NRXN1: variants seen among roughly 807,000 people sequenced by gnomAD.
NRXN1 encodes the protein neurexin 1, also known as neurexin-1.
NRXN1 carries 39 observed loss-of-function variants against 150.9 expected under a neutral mutation model. That is an observed-to-expected ratio of 0.26 (90% CI 0.20 to 0.34). The LOEUF (loss-of-function observed/expected upper bound fraction) is 0.34. Among genes scored for constraint, NRXN1 ranks in the 10% least tolerant of loss-of-function variants. The pLI is 1.00. For missense variants in NRXN1, 1,815 were observed against 1,949.9 expected, an observed-to-expected ratio of 0.93 and a Z score of 1.30; for synonymous variants, 924 against 757.0, an observed-to-expected ratio of 1.22 and a Z score of -3.62.
At chr2:50,381,464 A>G (rs557736698) in intron 17 of NRXN1, among the ~76,000 whole-genome samples, 9 of 151,452 alleles carry the variant, frequency 5.9e-5, no homozygotes, top group Admixed American at 5.3e-4. Flanking sequence ...TTTTGCGAAT[A>G]AACTGACAAG....
Position 49,919,469 on chromosome 2 carries a change from A to C in NRXN1, c.*2475T>G, listed in dbSNP as rs975764763. 14 of 152,190 alleles carry C rather than the reference A, an allele frequency of 9.2e-5. No individual in the cohort carries two copies. The highest frequency in any genetic ancestry group is 3.4e-4 in the African/African-American group (14 of 41,558). The allele number at this position is 152,190 out of a possible 1,614,324, so 9.4% of individuals were successfully genotyped here. A position where few individuals can be genotyped will look rare whatever the true frequency, so the allele number is the denominator to read the frequency against. On this transcript the variant is annotated 3_prime_UTR_variant, in exon 23 of 23. Transcript: ENST00000401669. ...TTTCATAGATATACTGCTTAAAATT[A>C]CCATTATTCAATTTATTTTCTATTA...
At chr2:50,250,584 G>C (rs1342056104) in intron 17 of NRXN1, among the ~76,000 whole-genome samples, 1 of 152,016 alleles carries the variant, frequency 6.6e-6, no homozygotes, top group Non-Finnish European at 1.5e-5. Flanking sequence ...AAAGAGATTA[G>C]ATAAGTTCTA....
chr2:50,153,364 G>T (rs1300194425), intron 18 of NRXN1, among the ~76,000 whole-genome samples: 1 of 149,900 alleles, frequency 6.7e-6, no homozygotes, highest in Non-Finnish European at 1.5e-5. Context: ...CTTTAAATGA[G>T]TCATACTTTT....
intron 17 of NRXN1, among the ~76,000 whole-genome samples, chr2:50,392,746 T>G (rs542526530): frequency 6.6e-6 from 1 of 152,116 alleles, no homozygotes; most frequent in African/African-American, 2.4e-5. Context: ...AAAGACGTAG[T>G]AGAGAAAAGT....
At chr2:50,152,039 G>C (rs2058727182) in intron 18 of NRXN1, among the ~76,000 whole-genome samples, 1 of 151,524 alleles carries the variant, frequency 6.6e-6, no homozygotes, top group African/African-American at 2.4e-5. Flanking sequence ...TCTTATTGTG[G>C]TATAATATAC....
At chr2:50,732,980 G>C (rs115798270) in intron 5 of NRXN1, among the ~76,000 whole-genome samples, 1 of 152,042 alleles carries the variant, frequency 6.6e-6, no homozygotes, top group Non-Finnish European at 1.5e-5. Flanking sequence ...ATTCCAATGT[G>C]GCCAATACTT....
chr2:50,850,358 A>G (rs1478232855), intron 5 of NRXN1, among the ~76,000 whole-genome samples: 2 of 152,174 alleles, frequency 1.3e-5, no homozygotes, highest in Non-Finnish European at 2.9e-5. Context: ...CATTCAGTAA[A>G]TACTAGTTTC....
chr2:50,416,686 C>A (rs1370276723), intron 17 of NRXN1, among the ~76,000 whole-genome samples: 2 of 151,976 alleles, frequency 1.3e-5, no homozygotes, highest in South Asian at 4.1e-4. Flanking sequence ...CAAACATGTC[C>A]TTCTTCACAT....
At chr2:50,630,978 A>G in intron 5 of NRXN1, 1 of 370,486 alleles carries the variant, frequency 2.7e-6, no homozygotes, top group South Asian at 2.2e-5. Flanking sequence ...ATGTCTGCTT[A>G]TTGAAATTCA....
At chr2:50,480,727 C>A (rs2090399112) in intron 15 of NRXN1, among the ~76,000 whole-genome samples, 1 of 152,152 alleles carries the variant, frequency 6.6e-6, no homozygotes, top group African/African-American at 2.4e-5. Flanking sequence ...TTGTCAGCCA[C>A]AGGTGTTCCT....
In NRXN1 at chr2:50,174,061, C is replaced by T. The variant is rs758901421; in HGVS notation, c.3546+62728G>A. 3.3e-5 allele frequency among the ~76,000 whole-genome samples: 5 copies of T among 152,024 alleles called. No homozygotes were observed. In the South Asian group the frequency reaches 8.3e-4, roughly 25 times the overall value. On this transcript the variant is annotated intron_variant, in intron 18 of 22. Coordinates refer to ENST00000401669, the MANE Select transcript of NRXN1 (RefSeq NM_001330078.2). Reference sequence around the variant, plus strand: ...AAAAATAAAAAAAATTGATTTATATCAAAATAAATACATAAAATAGAGCTT... The same window carrying T: ...AAAAATAAAAAAAATTGATTTATATTAAAATAAATACATAAAATAGAGCTT...
intron 5 of NRXN1, among the ~76,000 whole-genome samples, chr2:50,674,222 G>A (rs1254068588): frequency 6.6e-6 from 1 of 152,146 alleles, no homozygotes; most frequent in South Asian, 2.1e-4. Context: ...GAAGGGTAAA[G>A]TTAGAATGAA....
At chr2:50,378,098 A>G (rs1226115924) in intron 17 of NRXN1, among the ~76,000 whole-genome samples, 1 of 152,182 alleles carries the variant, frequency 6.6e-6, no homozygotes, top group Non-Finnish European at 1.5e-5. Context: ...ATCACATTCA[A>G]TAGGTTAGTC....
chr2:50,667,166 A>C (rs1688181093), intron 5 of NRXN1, among the ~76,000 whole-genome samples: 1 of 137,552 alleles, frequency 7.3e-6, no homozygotes, highest in Admixed American at 7.7e-5. Context: ...GAATTTACAC[A>C]ATTTCTTTCA....
At chr2:50,990,541 T>C (rs1698392950) in intron 2 of NRXN1, among the ~76,000 whole-genome samples, 1 of 152,074 alleles carries the variant, frequency 6.6e-6, no homozygotes, top group African/African-American at 2.4e-5. Context: ...CATGTTGCTC[T>C]GAAGAGTACA....
intron 12 of NRXN1, among the ~76,000 whole-genome samples, chr2:50,511,785 TAGAG>T (rs754045526): frequency 1.3e-5 from 2 of 152,062 alleles, no homozygotes; most frequent in Middle Eastern, 3.4e-3. Flanking sequence ...GTGAGAGGGA[TAGAG>T]AGAGAGACAC....
At chr2:49,982,519 G>A (rs920246163) in intron 21 of NRXN1, among the ~76,000 whole-genome samples, 12 of 151,868 alleles carry the variant, frequency 7.9e-5, no homozygotes, top group African/African-American at 2.7e-4. Context: ...AAAACTTCAT[G>A]ATTTTTGTTG....
intron 17 of NRXN1, among the ~76,000 whole-genome samples, chr2:50,259,061 A>G (rs1334254540): frequency 2.6e-5 from 4 of 151,944 alleles, no homozygotes; most frequent in African/African-American, 4.8e-5. Flanking sequence ...AATGGTTAAT[A>G]AGCATTGGCT....
intron 3 of NRXN1, 65 bp downstream of exon 3, chr2:50,925,873 A>G: frequency 8.2e-7 from 1 of 1,226,236 alleles, no homozygotes; most frequent in East Asian, 2.5e-5. Context: ...TTCAAGATGT[A>G]CCCTATTAGT....
Sources: allele counts gnomAD v4.1 joint callset (sites outside exome capture counted in the v4.1 genomes callset), GRCh38; gene constraint gnomAD v4.1.1; transcripts MANE v1.5; gene names NCBI Gene and HGNC (gene_info 2026-07-23, HGNC 2026-07-21).